Variants in TRERF1 observed in about 807,000 individuals in gnomAD.
TRERF1 encodes transcriptional regulating factor 1, also known as transcriptional-regulating factor 1.
Under a neutral mutation model 122.9 loss-of-function variants are expected in TRERF1, and 27 were observed. The ratio of observed to expected loss-of-function variants is 0.22; its 90% CI spans 0.16 to 0.30. The LOEUF (loss-of-function observed/expected upper bound fraction) is 0.30, where lower values mean the gene tolerates loss of function less well. Ranked by LOEUF, TRERF1 falls within the 10% of genes least tolerant of loss-of-function variation. TRERF1 has a pLI of 1.00. For synonymous variants in TRERF1, 636 were observed against 641.7 expected (o/e 0.99, Z 0.13); for missense variants, 1,248 against 1,560.3 (o/e 0.80, Z 3.37).
chr6:42,327,006 A>C (rs1764400210), intron 3 of TRERF1, among the ~76,000 whole-genome samples: 1 of 152,190 alleles, frequency 6.6e-6, no homozygotes. Flanking sequence ...GCAGCAGGCC[A>C]AAAAATGATT....
chr6:42,288,971 G>A (rs1367344813), intron 4 of TRERF1, among the ~76,000 whole-genome samples: 2 of 151,480 alleles, frequency 1.3e-5, no homozygotes, highest in African/African-American at 2.4e-5. Context: ...GTGTGTGTGT[G>A]TGTGTGTGTG....
At chr6:42,246,852 C>A (rs1774894321) in intron 13 of TRERF1, among the ~76,000 whole-genome samples, 1 of 152,154 alleles carries the variant, frequency 6.6e-6, no homozygotes, top group African/African-American at 2.4e-5. Flanking sequence ...AGATAATGCA[C>A]AAAAAGTGTC....
At position 42,408,853 on chromosome 6, in the gene TRERF1, A is replaced by G. The variant is rs1430461707; in HGVS notation, c.-454+42324T>C. Among the ~76,000 whole-genome samples, 3 of 152,156 alleles carry G rather than the reference A, an allele frequency of 2.0e-5. No homozygotes were observed. In the East Asian group the frequency reaches 5.8e-4, roughly 29 times the overall value. On this transcript the variant is annotated intron_variant, in intron 2 of 17. Coordinates refer to ENST00000372922, the Ensembl canonical transcript of TRERF1. ...GAGTTTGTAAAACTAACTTTTTAAT[A>G]CATCTAAAATTTATAACATATGATG...
intron 3 of TRERF1, among the ~76,000 whole-genome samples, chr6:42,350,487 C>CTGCCTCTA (rs1234830885): frequency 7.9e-5 from 12 of 152,270 alleles, no homozygotes; most frequent in African/African-American, 2.9e-4. Context: ...ACCTCTCAGC[C>CTGCCTCTA]TGCCTCTCTG....
In TRERF1 at chr6:42,393,574, C is replaced by A. The variant is rs73733174; in HGVS notation, c.-453-30495G>T. On this transcript the variant is annotated intron_variant, in intron 2 of 17. Coordinates refer to ENST00000372922, the Ensembl canonical transcript of TRERF1. The surrounding 1 kb of genome is among the most constrained non-coding windows in gnomAD (Gnocchi z 4.1). The stretch of plus-strand genomic sequence containing the variant: ...TGGCAAAACCTGAAACTAATGCAAC[C>A]ATTTAGTTCAGTGTGCTTCACCAGA... Among the ~76,000 whole-genome samples the A allele has an allele frequency of 6.6e-6, 1 of 152,308 alleles. No homozygotes were observed. The highest frequency in any genetic ancestry group is 1.9e-4 in the East Asian group (1 of 5,182).
At chr6:42,257,000 G>C (rs748221201) in exon 11 of TRERF1, 6 of 1,614,216 alleles carry the variant, frequency 3.7e-6, no homozygotes, top group Non-Finnish European at 5.1e-6. Context: ...GTTCTGGCCA[G>C]GGCTTCCATA....
rs550034772 is a variant in TRERF1, at chr6:42,375,826, C to T, written c.-453-12747G>A. ...AGGGAAGTGGGAGCCTGGAGAACCC[C>T]TGGACAAGGGCAAGCAGAAGTGAAC... On this transcript the variant is annotated intron_variant, in intron 2 of 17. Coordinates refer to ENST00000372922, the Ensembl canonical transcript of TRERF1. Among the ~76,000 whole-genome samples the T allele has an allele frequency of 9.2e-5, 14 of 152,088 alleles. 1 individual carries two copies. The highest frequency in any genetic ancestry group is 3.4e-4 in the African/African-American group (14 of 41,490).
At chr6:42,323,356 G>A (rs576982854) in intron 3 of TRERF1, among the ~76,000 whole-genome samples, 7 of 151,972 alleles carry the variant, frequency 4.6e-5, no homozygotes, top group Non-Finnish European at 8.8e-5. Flanking sequence ...GCACCACCAC[G>A]CCCGGCTAAT....
At chr6:42,238,868 C>CACACAT (rs1554124375) in intron 15 of TRERF1, among the ~76,000 whole-genome samples, 122 of 148,228 alleles carry the variant, frequency 8.2e-4, no homozygotes, top group Middle Eastern at 3.5e-3. Context: ...CACACACACA[C>CACACAT]ACAATTTCTA....
chr6:42,423,814 T>C (rs534009917), intron 2 of TRERF1, among the ~76,000 whole-genome samples: 78 of 152,326 alleles, frequency 5.1e-4, no homozygotes, highest in Middle Eastern at 3.4e-3. Flanking sequence ...ATCTGTATCA[T>C]TGTACTTGGG....
intron 3 of TRERF1, among the ~76,000 whole-genome samples, chr6:42,326,558 G>A (rs1445762656): frequency 2.6e-5 from 4 of 152,186 alleles, no homozygotes; most frequent in Non-Finnish European, 5.9e-5. Context: ...AATCCAGGAG[G>A]ATGGGGCCAG....
At chr6:42,314,165 C>T (rs1430521622) in intron 3 of TRERF1, among the ~76,000 whole-genome samples, 1 of 151,926 alleles carries the variant, frequency 6.6e-6, no homozygotes, top group Non-Finnish European at 1.5e-5. Flanking sequence ...AATGCATGTA[C>T]ATATTAGGAA....
chr6:42,338,412 G>A (rs1164097879), intron 3 of TRERF1, among the ~76,000 whole-genome samples: 1 of 152,206 alleles, frequency 6.6e-6, no homozygotes, highest in Non-Finnish European at 1.5e-5. Flanking sequence ...ACACGCATGT[G>A]CACAGAGGTA....
At chr6:42,267,653 A>G (rs1779451499) in intron 5 of TRERF1, among the ~76,000 whole-genome samples, 1 of 150,050 alleles carries the variant, frequency 6.7e-6, no homozygotes, top group Admixed American at 6.6e-5. Flanking sequence ...AAACAAAAAT[A>G]AAAACAAAAA....
intron 2 of TRERF1, among the ~76,000 whole-genome samples, chr6:42,374,222 G>A (rs1212938849): frequency 6.6e-6 from 1 of 152,060 alleles, no homozygotes; most frequent in Admixed American, 6.5e-5. Context: ...GGCAGCCGGG[G>A]GCGGGTGTGT....
intron 4 of TRERF1, among the ~76,000 whole-genome samples, chr6:42,293,749 C>G (rs192104940): frequency 1.6e-5 from 2 of 122,424 alleles, no homozygotes; most frequent in Non-Finnish European, 3.3e-5. Context: ...ACCCACCCCC[C>G]ACCCTGTTGC....
chr6:42,365,089 GGT>G (rs1772485846), intron 2 of TRERF1, among the ~76,000 whole-genome samples: 1 of 152,186 alleles, frequency 6.6e-6, no homozygotes, highest in Admixed American at 6.5e-5. Flanking sequence ...ACAGAAGCCA[GGT>G]TGTCTCCTGA....
chr6:42,247,306 T>C (rs940704819), intron 13 of TRERF1, among the ~76,000 whole-genome samples: 2 of 152,182 alleles, frequency 1.3e-5, no homozygotes, highest in African/African-American at 4.8e-5. Flanking sequence ...AGATATTTAT[T>C]AGGTGTATAT....
chr6:42,398,376 T>C (rs532708802), intron 2 of TRERF1, among the ~76,000 whole-genome samples: 1 of 152,290 alleles, frequency 6.6e-6, no homozygotes, highest in South Asian at 2.1e-4. Context: ...ATCCAGAGTG[T>C]GGCCATCACA....
Sources: gnomAD v4.1 joint callset for allele counts (sites outside exome capture counted in the v4.1 genomes callset) on GRCh38, gnomAD v4.1.1 for gene constraint, Gnocchi (gnomAD v3.1) non-coding constraint, MANE v1.5 for transcripts, NCBI Gene and HGNC (gene_info 2026-07-23, HGNC 2026-07-21) for gene names.